RNF220: variants seen among roughly 807,000 people sequenced by gnomAD.
RNF220 encodes ring finger protein 220.
Under a neutral mutation model 67.1 loss-of-function variants are expected in RNF220, and 7 were observed. That is an observed-to-expected ratio of 0.10 (90% CI 0.06 to 0.20). The LOEUF is 0.20. Among genes scored for constraint, RNF220 ranks in the 10% least tolerant of loss-of-function variants. The pLI is 1.00. For synonymous variants in RNF220, 270 were observed against 283.2 expected (o/e 0.95, Z 0.47); for missense variants, 565 against 740.3 (o/e 0.76, Z 2.75).
At chr1:44,642,512 C>T (rs1286263302) in intron 8 of RNF220, among the ~76,000 whole-genome samples, 1 of 152,112 alleles carries the variant, frequency 6.6e-6, no homozygotes, top group Admixed American at 6.5e-5. Flanking sequence ...GGAGAAGGTT[C>T]TAGGCAGAGA....
chr1:44,636,683 T>C (rs34296911), intron 8 of RNF220, among the ~76,000 whole-genome samples: 34,549 of 152,180 alleles, frequency 0.23, 5,228 homozygotes, highest in Middle Eastern at 0.33. Flanking sequence ...ATGAGCTTCA[T>C]TGGTGAATCT....
intron 2 of RNF220, among the ~76,000 whole-genome samples, chr1:44,494,322 G>A (rs1657135187): frequency 6.6e-6 from 1 of 151,880 alleles, no homozygotes; most frequent in Admixed American, 6.6e-5. Context: ...CAATCTATTA[G>A]ACTTGCTAAA....
At chr1:44,463,928 G>A (rs1245101382) in intron 2 of RNF220, among the ~76,000 whole-genome samples, 1 of 152,204 alleles carries the variant, frequency 6.6e-6, no homozygotes, top group Non-Finnish European at 1.5e-5. Flanking sequence ...GACAGTTGAA[G>A]AGGAGAGGAA....
In RNF220 at chr1:44,645,383, G is replaced by A. The variant is rs1331391925; in HGVS notation, c.1367-27G>A. On this transcript the variant is annotated intron_variant, in intron 11 of 14. Coordinates refer to ENST00000361799, the MANE Select transcript of RNF220 (RefSeq NM_018150.4). This position sits in a 1 kb window ranked among gnomAD's most constrained non-coding sequence, Gnocchi z 5.0. The stretch of plus-strand genomic sequence containing the variant: ...ACCTGTGCTGCCCAGTCTGGCCGGA[G>A]TGTGAGTTGCCCCTCTGTCCCAGCA... The A allele has an allele frequency of 6.2e-7, 1 of 1,613,950 alleles. No homozygotes were observed.
intron 2 of RNF220, among the ~76,000 whole-genome samples, chr1:44,608,639 T>C (rs547230498): frequency 1.3e-5 from 2 of 152,322 alleles, no homozygotes; most frequent in East Asian, 3.9e-4. Flanking sequence ...ATAATGATAC[T>C]TGATAGACAG....
At chr1:44,477,331 A>C (rs1324146040) in intron 2 of RNF220, among the ~76,000 whole-genome samples, 1 of 152,244 alleles carries the variant, frequency 6.6e-6, no homozygotes, top group African/African-American at 2.4e-5. Flanking sequence ...TTATTGTTAC[A>C]AATGCGGATG....
chr1:44,459,186 G>GTTT (rs11379941), intron 2 of RNF220, among the ~76,000 whole-genome samples: 1 of 151,344 alleles, frequency 6.6e-6, no homozygotes, highest in African/African-American at 2.4e-5. Flanking sequence ...CTTTTGGTGG[G>GTTT]TTTTTTTTTA....
chr1:44,568,740 C>A (rs1465086580), intron 2 of RNF220, among the ~76,000 whole-genome samples: 1 of 152,182 alleles, frequency 6.6e-6, no homozygotes, highest in African/African-American at 2.4e-5. Context: ...CAGAAGGTTG[C>A]TTGGGTGGAG....
chr1:44,583,890 A>G (rs1485968417), intron 2 of RNF220, among the ~76,000 whole-genome samples: 1 of 152,266 alleles, frequency 6.6e-6, no homozygotes, highest in South Asian at 2.1e-4. Context: ...TGGTGGGGGC[A>G]TAGACAAGTA....
At chr1:44,488,861 C>G (rs1656597544) in intron 2 of RNF220, among the ~76,000 whole-genome samples, 1 of 151,004 alleles carries the variant, frequency 6.6e-6, no homozygotes, top group Non-Finnish European at 1.5e-5. Flanking sequence ...TCCCAAGTAG[C>G]TGGGACCACA....
At chr1:44,409,012 C>A (rs1223519469) in intron 1 of RNF220, 2 of 152,280 alleles carry the variant, frequency 1.3e-5, no homozygotes, top group African/African-American at 4.8e-5. Context: ...GTTCGCTCCG[C>A]AGAGCGCGGA....
At chr1:44,444,273 G>A (rs549367823) in intron 2 of RNF220, among the ~76,000 whole-genome samples, 83 of 151,878 alleles carry the variant, frequency 5.5e-4, no homozygotes, top group Non-Finnish European at 9.6e-4. Flanking sequence ...AAACAATATA[G>A]TTTTGTATTT....
At chr1:44,613,274 C>G (rs528288705) in intron 2 of RNF220, among the ~76,000 whole-genome samples, 3 of 149,714 alleles carry the variant, frequency 2.0e-5, no homozygotes, top group East Asian at 3.9e-4. Flanking sequence ...CACAGAGCAT[C>G]CATGGATATG....
chr1:44,411,486 T>C lies in RNF220; in HGVS notation c.-117-495T>C, dbSNP rs368188125. ...CAAGTGTTCCTGGTCTAGATGAACT[T>C]GAATTAGGGATATTTCAGTATCAGG... On this transcript the variant is annotated intron_variant, in intron 1 of 14. Transcript: ENST00000361799. 3.3e-4 allele frequency among the ~76,000 whole-genome samples: 50 copies of C among 152,326 alleles called. 1 individual carries two copies. In the South Asian group the frequency reaches 9.7e-3, roughly 30 times the overall value.
chr1:44,423,771 G>A (rs1035299812), intron 2 of RNF220: 6 of 913,418 alleles, frequency 6.6e-6, no homozygotes, highest in African/African-American at 1.8e-5. Flanking sequence ...CATAGCACCC[G>A]GGATTCTTGG....
chr1:44,444,259 C>A lies in RNF220; in HGVS notation c.625+31537C>A, dbSNP rs529639336. On this transcript the variant is annotated intron_variant, in intron 2 of 14. Coordinates refer to ENST00000361799, the MANE Select transcript of RNF220 (RefSeq NM_018150.4). ...ATAATTTTATCACACATGTAAACAT[C>A]CCCAAACAATATAGTTTTGTATTTT... Among the ~76,000 whole-genome samples, 4 of 152,254 alleles carry A rather than the reference C, an allele frequency of 2.6e-5. No homozygotes were observed. In the East Asian group the frequency reaches 7.7e-4, roughly 29 times the overall value.
rs71665956 is a variant in RNF220, at chr1:44,625,026, T to TGAGAGAGA, written c.805-1246_805-1239dup. Among the ~76,000 whole-genome samples the TGAGAGAGA allele has an allele frequency of 5.2e-3, 773 of 147,456 alleles. 2 individuals carry two copies. The highest frequency in any genetic ancestry group is 0.029 in the South Asian group (135 of 4,600). On this transcript the variant is annotated intron_variant, in intron 4 of 14. Coordinates refer to ENST00000361799, the MANE Select transcript of RNF220 (RefSeq NM_018150.4). ...CTCAGGGCTTCTAACCTAGAGAGAA[T>TGAGAGAGA]GAGAGAGAGAGAGAGAGAGAGAGAG...
intron 2 of RNF220, among the ~76,000 whole-genome samples, chr1:44,523,107 G>T (rs1660068677): frequency 6.6e-6 from 1 of 152,222 alleles, no homozygotes; most frequent in Non-Finnish European, 1.5e-5. Context: ...GGGGCTCTGG[G>T]CTGTGGGGTT....
intron 2 of RNF220, among the ~76,000 whole-genome samples, chr1:44,475,085 A>G (rs1470538261): frequency 6.6e-6 from 1 of 152,180 alleles, no homozygotes; most frequent in East Asian, 1.9e-4. Flanking sequence ...GGAAAAAAAA[A>G]TCACAACAGT....
Sources: gnomAD v4.1 joint callset for allele counts (sites outside exome capture counted in the v4.1 genomes callset) on GRCh38, gnomAD v4.1.1 for gene constraint, Gnocchi (gnomAD v3.1) non-coding constraint, MANE v1.5 for transcripts, NCBI Gene and HGNC (gene_info 2026-07-23, HGNC 2026-07-21) for gene names.